The following OTOG variants were observed in gnomAD, a reference collection of about 807,000 sequenced individuals.
OTOG encodes the protein otogelin.
OTOG carries 296 observed loss-of-function variants against 313.8 expected under a neutral mutation model. That is an observed-to-expected ratio of 0.94 (90% CI 0.86 to 1.04). The LOEUF (loss-of-function observed/expected upper bound fraction) is 1.04. Ranked by LOEUF, OTOG falls within the 50% of genes least tolerant of loss-of-function variation. The pLI is 0.00. For synonymous variants in OTOG, 1,533 were observed against 1,554.9 expected (o/e 0.99, Z 0.33); for missense variants, 3,948 against 3,840.1 (o/e 1.03, Z -0.74).
chr11:17,638,338 G>A (rs1382014346), intron 47 of OTOG, 113 bp from the exon 48 acceptor site: 4 of 893,336 alleles, frequency 4.5e-6, no homozygotes, highest in African/African-American at 3.4e-5. Context: ...GGACAGTGGG[G>A]GTCACTAAGG....
At chr11:17,552,614 C>CTGTGTCCCCCACCTGTACTG (rs1158447407) in intron 4 of OTOG, among the ~76,000 whole-genome samples, 6 of 151,698 alleles carry the variant, frequency 4.0e-5, no homozygotes, top group African/African-American at 1.5e-4. Flanking sequence ...CCCACCTGTC[C>CTGTGTCCCCCACCTGTACTG]TCTCACATCA....
intron 39 of OTOG, among the ~76,000 whole-genome samples, chr11:17,616,545 AT>A (rs1323801142): frequency 6.6e-6 from 1 of 151,632 alleles, no homozygotes; most frequent in Admixed American, 6.6e-5. Context: ...GGCTTCTTTG[AT>A]TTTTTTATTT....
intron 3 of OTOG, among the ~76,000 whole-genome samples, chr11:17,551,144 G>C (rs1326723836): frequency 6.6e-6 from 1 of 152,226 alleles, no homozygotes; most frequent in African/African-American, 2.4e-5. Context: ...ACAATGCTTG[G>C]CACAGGGTTC....
chr11:17,613,715 A>T lies in OTOG; in HGVS notation c.6528+14A>T. On this transcript the variant is annotated intron_variant, in intron 39 of 55. Transcript: ENST00000399397. ...TTCAACCGAAAGGTGAGTGCATCAA[A>T]CAGCCAGCCTCCAGGGCAGGGCCAC... The T allele has an allele frequency of 3.9e-6, 6 of 1,548,542 alleles. No individual in the cohort carries two copies. The highest frequency in any genetic ancestry group is 5.2e-6 in the Non-Finnish European group (6 of 1,145,214).
Position 17,634,860 on chromosome 11 carries a change from G to A in OTOG, c.7497G>A (p.Leu2499=), listed in dbSNP as rs1207654958. The stretch of plus-strand genomic sequence containing the variant: ...CGGGGCCAGTGTGTAACCAGACTCT[G>A]TGTGAGGGTCTCGCCCCCACATGCC... ...LGTVCVCNQT[L]CEGLAPTCRP... Residue 2499 remains leucine (L), a synonymous_variant, in exon 45 of 56, where the codon CTG becomes CTA. Coordinates refer to ENST00000399397, the MANE Select transcript of OTOG (RefSeq NM_001292063.2). The A allele has an allele frequency of 6.5e-7, 1 of 1,549,398 alleles. No homozygotes were observed. Among genetic ancestry groups the A allele is most frequent in the African/African-American group, 1.4e-5 (1 of 72,952 alleles).
chr11:17,584,493 A>AT lies in OTOG; in HGVS notation c.2760-1974dup, dbSNP rs1052051996. Among the ~76,000 whole-genome samples the AT allele has an allele frequency of 4.8e-4, 73 of 151,384 alleles. 1 individual carries two copies. The highest frequency in any genetic ancestry group is 9.0e-4 in the Non-Finnish European group (61 of 67,826). ...TCTTTTTATTTCTATTATGCTGCAA[A>AT]TTTTTTTATAATAAATGGGTATTGA... On this transcript the variant is annotated intron_variant, in intron 23 of 55. Coordinates refer to ENST00000399397, the MANE Select transcript of OTOG (RefSeq NM_001292063.2).
chr11:17,553,368 A>G lies in OTOG; in HGVS notation c.389A>G (p.Tyr130Cys), dbSNP rs762953709. Residue 130 changes from tyrosine to cysteine, a missense_variant, in exon 6 of 56, where the codon TAC (tyrosine) becomes TGC (cysteine). Transcript: ENST00000399397. ...NATGPRCQMV[Y>C]NAGPERDSIC... ...GGTTCTCTTTTCTCTCCCTCAGTGTACAATGCCGGCCCTGAGAGGGACAGC... is the reference window on the plus strand; with the variant it reads ...GGTTCTCTTTTCTCTCCCTCAGTGTGCAATGCCGGCCCTGAGAGGGACAGC... The G allele has an allele frequency of 4.1e-6, 6 of 1,465,686 alleles. No individual in the cohort carries two copies. The highest frequency in any genetic ancestry group is 4.5e-6 in the Non-Finnish European group (5 of 1,105,326). The allele number at this position is 1,465,686 out of a possible 1,614,324, so 90.8% of individuals were successfully genotyped here.
rs141297971 is a variant in OTOG, at chr11:17,554,537, G to A, written c.540+1018G>A. ...TCTTTGGAGAACCAGCTCTGTTGGAGGGCACCTTGGTCAGTACTGAGTTAG... is the reference window on the plus strand; with the variant it reads ...TCTTTGGAGAACCAGCTCTGTTGGAAGGCACCTTGGTCAGTACTGAGTTAG... On this transcript the variant is annotated intron_variant, in intron 6 of 55. Transcript: ENST00000399397. Among the ~76,000 whole-genome samples, 89 of 152,348 alleles carry A rather than the reference G, an allele frequency of 5.8e-4. 3 individuals are homozygous for A. The East Asian group carries it at 0.017, about 29-fold the overall frequency.
Position 17,645,729 on chromosome 11 carries a change from G to T in OTOG, c.8542-15G>T, listed in dbSNP as rs754667248. 2 of 1,550,872 alleles carry T rather than the reference G, an allele frequency of 1.3e-6. No individual in the cohort carries two copies. The highest frequency in any genetic ancestry group is 1.7e-6 in the Non-Finnish European group (2 of 1,147,038). On this transcript the variant is annotated splice_polypyrimidine_tract_variant and intron_variant, in intron 55 of 55. Coordinates refer to ENST00000399397, the MANE Select transcript of OTOG (RefSeq NM_001292063.2). ...GTGAGCACCACAGACTGCCTCACTG[G>T]CCTGCCCGTTCCAGGTGAACCTAGT...
At chr11:17,612,054 C>T (rs1853566158) in intron 36 of OTOG, 108 bp from the exon 37 acceptor site, 1 of 1,343,258 alleles carries the variant, frequency 7.4e-7, no homozygotes, top group African/African-American at 1.4e-5. Context: ...TAGAAGGTCC[C>T]CTGCCCCGCT....
At chr11:17,554,345 C>T (rs969410975) in intron 6 of OTOG, among the ~76,000 whole-genome samples, 20 of 152,288 alleles carry the variant, frequency 1.3e-4, no homozygotes, top group African/African-American at 4.6e-4. Context: ...GGGGTCATGT[C>T]TCTCTCTTTG....
intron 17 of OTOG, among the ~76,000 whole-genome samples, chr11:17,571,759 G>A (rs1852408690): frequency 6.7e-6 from 1 of 150,082 alleles, no homozygotes. Flanking sequence ...GTGTGTCTGC[G>A]TGTGTGTGTG....
intron 39 of OTOG, among the ~76,000 whole-genome samples, chr11:17,623,476 C>T (rs1853913299): frequency 6.6e-6 from 1 of 152,156 alleles, no homozygotes; most frequent in South Asian, 2.1e-4. Flanking sequence ...AGGACATGAT[C>T]TCATTCTTTT....
chr11:17,550,965 G>A (rs1851918719), intron 3 of OTOG, among the ~76,000 whole-genome samples: 1 of 152,244 alleles, frequency 6.6e-6, no homozygotes, highest in Non-Finnish European at 1.5e-5. Context: ...TTGGCTCCAG[G>A]GACCAAGGGC....
At chr11:17,576,277 G>A (rs989791936) in intron 20 of OTOG, among the ~76,000 whole-genome samples, 8 of 152,138 alleles carry the variant, frequency 5.3e-5, no homozygotes, top group East Asian at 1.9e-4. Context: ...TCCCTTCCCC[G>A]GTCCAAATGA....
chr11:17,632,193 G>A lies in OTOG; in HGVS notation c.7039G>A (p.Val2347Met). Residue 2347 changes from valine to methionine, a missense_variant, in exon 42 of 56, where the codon GTG (valine) becomes ATG (methionine). Coordinates refer to ENST00000399397, the MANE Select transcript of OTOG (RefSeq NM_001292063.2). Reference protein sequence around the residue: ...VYVAMCHKFHVCIEWRRSDYC... With the variant: ...VYVAMCHKFHMCIEWRRSDYC... ...CGTGGCCATGTGCCACAAATTTCAT[G>A]TGTGCATCGAGTGGCGGCGCTCTGA... 1 of 1,551,094 alleles carries A rather than the reference G, an allele frequency of 6.4e-7. No individual in the cohort carries two copies. The highest frequency in any genetic ancestry group is 1.4e-5 in the African/African-American group (1 of 73,180).
intron 8 of OTOG, among the ~76,000 whole-genome samples, 193 bp from the exon 9 acceptor site, chr11:17,557,992 C>T (rs889581657): frequency 3.3e-5 from 5 of 152,188 alleles, no homozygotes; most frequent in Non-Finnish European, 7.4e-5. Context: ...GCATTCTTGG[C>T]TATTACTATC....
intron 46 of OTOG, 102 bp downstream of exon 46, chr11:17,635,289 C>T (rs1050516769): frequency 1.1e-6 from 1 of 937,240 alleles, no homozygotes; most frequent in Non-Finnish European, 1.6e-6. Flanking sequence ...TGGGGGTCTT[C>T]AGATGGGGTG....
chr11:17,552,937 G>A (rs931201667), intron 4 of OTOG, among the ~76,000 whole-genome samples, 182 bp from the exon 5 acceptor site: 3 of 152,190 alleles, frequency 2.0e-5, no homozygotes, highest in Non-Finnish European at 2.9e-5. Flanking sequence ...CCACCCCACC[G>A]GCTTGCCAGG....
Sources: gnomAD v4.1 joint callset for allele counts (sites outside exome capture counted in the v4.1 genomes callset) on GRCh38, gnomAD v4.1.1 for gene constraint, MANE v1.5 for transcripts, NCBI Gene and HGNC (gene_info 2026-07-23, HGNC 2026-07-21) for gene names.